Variants in SYCP2 observed in about 807,000 individuals in gnomAD.
SYCP2 encodes the protein synaptonemal complex protein 2.
In SYCP2, 55 loss-of-function variants were observed where a neutral mutation model predicts 211.3. The observed-to-expected ratio is 0.26, with a 90% CI of 0.21 to 0.33. SYCP2 has a LOEUF of 0.33. Ranked by LOEUF, SYCP2 falls within the 10% of genes least tolerant of loss-of-function variation. The pLI is 1.00. For missense variants in SYCP2, 1,731 were observed against 1,752.0 expected, an observed-to-expected ratio of 0.99 and a Z score of 0.21; for synonymous variants, 570 against 555.2, an observed-to-expected ratio of 1.03 and a Z score of -0.37.
In SYCP2 at chr20:59,870,003, A is replaced by G. The variant is rs1055798003; in HGVS notation, c.3556-20T>C. 1 of 1,503,884 alleles carries G rather than the reference A, an allele frequency of 6.6e-7. No individual in the cohort carries two copies. The highest frequency in any genetic ancestry group is 9.0e-7 in the Non-Finnish European group (1 of 1,114,278). 93.2% of individuals were successfully genotyped at this position (1,503,884 alleles called of 1,614,324 possible). ...TCTGGGCTATGAATGAAGACATACA[A>G]AAACCCAATAAGAAGTTACAAAATT... is the stretch of plus-strand genomic sequence containing the variant. On this transcript the variant is annotated intron_variant, in intron 35 of 44. Coordinates refer to ENST00000357552, the MANE Select transcript of SYCP2 (RefSeq NM_014258.4).
intron 5 of SYCP2, among the ~76,000 whole-genome samples, 180 bp from the exon 6 acceptor site, chr20:59,919,777 C>G (rs1359355385): frequency 6.6e-6 from 1 of 151,034 alleles, no homozygotes; most frequent in African/African-American, 2.4e-5. Context: ...ACTATCTTTT[C>G]CCATTGTTTA....
intron 26 of SYCP2, 61 bp downstream of exon 26, chr20:59,885,867 G>T: frequency 3.1e-6 from 4 of 1,286,970 alleles, no homozygotes; most frequent in Non-Finnish European, 4.4e-6. Flanking sequence ...CTATTTTAGT[G>T]TTTATGGTCA....
chr20:59,887,165 C>T (rs553806102), intron 24 of SYCP2, among the ~76,000 whole-genome samples: 15 of 151,954 alleles, frequency 9.9e-5, no homozygotes, highest in African/African-American at 2.4e-4. Context: ...CCCTACCCCA[C>T]GACAGGCCCC....
intron 2 of SYCP2, among the ~76,000 whole-genome samples, chr20:59,930,077 TC>T (rs2145915588): frequency 6.6e-6 from 1 of 152,262 alleles, no homozygotes; most frequent in East Asian, 1.9e-4. Flanking sequence ...CACAGGCATC[TC>T]TATTAGCTCA....
chr20:59,872,727 G>A (rs1045398914), intron 35 of SYCP2, among the ~76,000 whole-genome samples: 2 of 151,896 alleles, frequency 1.3e-5, no homozygotes, highest in Admixed American at 1.3e-4. Context: ...CTTCCTAAGA[G>A]ATACTACTAA....
chr20:59,881,616 C>T (rs959516433), intron 28 of SYCP2, 124 bp from the exon 29 acceptor site: 4 of 531,480 alleles, frequency 7.5e-6, no homozygotes, highest in Non-Finnish European at 9.7e-6. Flanking sequence ...ATTAACTTTA[C>T]TACAATATTT....
rs146046501 is a variant in SYCP2, at chr20:59,864,334, G to A, written c.4570C>T (p.His1524Tyr). 1 of 1,605,082 alleles carries A rather than the reference G, an allele frequency of 6.2e-7. No individual in the cohort carries two copies. Among genetic ancestry groups the A allele is most frequent in the African/African-American group, 1.3e-5 (1 of 74,436 alleles). ...RRELMSVFMSHERNANV is the reference protein window; with the variant it reads ...RRELMSVFMSYERNANV ...TTTCACACATTAGCATTTCTTTCAT[G>A]AGACATGAATACTGACATCAGTTCT... The change falls in exon 45 of 45, where the codon CAT becomes TAT. Residue 1524 changes from histidine to tyrosine, a missense_variant. His to Tyr is a moderately conservative substitution (Grantham distance 83, BLOSUM62 2). Transcript: ENST00000357552.
At chr20:59,899,283 T>A (rs1033686556) in intron 18 of SYCP2, among the ~76,000 whole-genome samples, 1 of 151,990 alleles carries the variant, frequency 6.6e-6, no homozygotes, top group Non-Finnish European at 1.5e-5. Context: ...CCAAAAAAAA[T>A]GAACAGTAGT....
In SYCP2 at chr20:59,868,465, C is replaced by G. The variant is rs746891072; in HGVS notation, c.3936G>C (p.Leu1312Phe). ...CAATTTTACACAGTTTTTTGGGAAG[C>G]AAGTTTGCTCTCCTTTCTCCTTTCT... Reference protein sequence around the residue: ...MEEKGERRANLLPKKLCKIED... With the variant: ...MEEKGERRANFLPKKLCKIED... The change falls in exon 38 of 45, where the codon TTG becomes TTC. Residue 1312 changes from leucine to phenylalanine, a missense_variant. Physicochemically the swap from Leu to Phe is conservative, Grantham distance 22. Coordinates refer to ENST00000357552, the MANE Select transcript of SYCP2 (RefSeq NM_014258.4). The G allele has an allele frequency of 6.2e-7, 1 of 1,611,348 alleles. No homozygotes were observed. Among genetic ancestry groups the G allele is most frequent in the South Asian group, 1.1e-5 (1 of 90,952 alleles).
chr20:59,865,869 A>C lies in SYCP2; in HGVS notation c.4321-4T>G. 1 of 1,307,920 alleles carries C rather than the reference A, an allele frequency of 7.6e-7. No homozygotes were observed. The highest frequency in any genetic ancestry group is 1.0e-6 in the Non-Finnish European group (1 of 974,648). 81.0% of individuals were successfully genotyped at this position (1,307,920 alleles called of 1,614,324 possible). ...GAAATATCTTTTCCCAAAAGTCCTAAATTAATTAATAAAATTTTATTTAGT... is the reference window on the plus strand; with the variant it reads ...GAAATATCTTTTCCCAAAAGTCCTACATTAATTAATAAAATTTTATTTAGT... On this transcript the variant is annotated splice_polypyrimidine_tract_variant and splice_region_variant and intron_variant, in intron 41 of 44. Transcript: ENST00000357552.
intron 16 of SYCP2, 21 bp downstream of exon 16, chr20:59,901,637 ATATT>A (rs753972833): frequency 2.3e-6 from 3 of 1,306,114 alleles, no homozygotes; most frequent in Non-Finnish European, 2.1e-6. Flanking sequence ...AAAATAGTAA[ATATT>A]TATTAAGTTT....
intron 33 of SYCP2, among the ~76,000 whole-genome samples, chr20:59,876,010 T>C (rs1019925768): frequency 5.9e-5 from 9 of 151,482 alleles, no homozygotes; most frequent in Admixed American, 1.3e-4. Context: ...GGGTCTTCCT[T>C]TGAAGAGGGA....
At position 59,892,548 on chromosome 20, in the gene SYCP2, T is replaced by C. The variant is rs771596689; in HGVS notation, c.1927+20A>G. 11 of 1,594,726 alleles carry C rather than the reference T, an allele frequency of 6.9e-6. No homozygotes were observed. Among genetic ancestry groups the C allele is most frequent in the Admixed American group, 1.8e-5 (1 of 55,760 alleles). On this transcript the variant is annotated intron_variant, in intron 23 of 44. Coordinates refer to ENST00000357552, the MANE Select transcript of SYCP2 (RefSeq NM_014258.4). Reference sequence around the variant, plus strand: ...GAAATTAACACTGAACTATTACATATAGATAAAACTAAGTTTCACCTTGAT... The same window carrying C: ...GAAATTAACACTGAACTATTACATACAGATAAAACTAAGTTTCACCTTGAT...
At chr20:59,874,776 C>T (rs184799062) in intron 34 of SYCP2, among the ~76,000 whole-genome samples, 82 of 152,068 alleles carry the variant, frequency 5.4e-4, no homozygotes, top group African/African-American at 1.9e-3. Flanking sequence ...TATACCAGAG[C>T]TCCAAAGAAT....
At position 59,901,673 on chromosome 20, in the gene SYCP2, T is replaced by C. The variant is rs2060118461; in HGVS notation, c.1171A>G (p.Thr391Ala). Residue 391 changes from threonine to alanine, a missense_variant, in exon 16 of 45, where the codon ACT (threonine) becomes GCT (alanine). This residue lies in a region of SYCP2 where 1,387 missense variants were observed against 1,351.3 expected (regional missense o/e 1.03). Coordinates refer to ENST00000357552, the MANE Select transcript of SYCP2 (RefSeq NM_014258.4). ...GTTTAAAGACTTACCCTATGTTTAG[T>C]TGCACCAAAAATTTTTTGAGTTACA... Reference protein sequence around the residue: ...TNVTQKIFGATKHRESIRKQG... With the variant: ...TNVTQKIFGAAKHRESIRKQG... 6.4e-7 allele frequency: 1 copy of C among 1,565,490 alleles called. No homozygotes were observed. Among genetic ancestry groups the C allele is most frequent in the Non-Finnish European group, 8.7e-7 (1 of 1,149,732 alleles).
At chr20:59,886,001 A>G (rs368827103) in intron 25 of SYCP2, 37 bp from the exon 26 acceptor site, 62 of 1,453,076 alleles carry the variant, frequency 4.3e-5, no homozygotes, top group African/African-American at 3.7e-4. Flanking sequence ...GAAAAAGCAA[A>G]TCAGTATCAA....
At chr20:59,921,542 T>G in intron 3 of SYCP2, 89 bp from the exon 4 acceptor site, 2 of 920,356 alleles carry the variant, frequency 2.2e-6, no homozygotes, top group Non-Finnish European at 3.0e-6. Flanking sequence ...CGTTTTCACA[T>G]GAAAACTCTC....
intron 15 of SYCP2, among the ~76,000 whole-genome samples, chr20:59,904,918 C>G (rs1439535511): frequency 1.3e-5 from 2 of 152,104 alleles, no homozygotes; most frequent in African/African-American, 2.4e-5. Flanking sequence ...ATATAAATAA[C>G]TAGCTTACCT....
chr20:59,879,275 T>TA (rs1275989303), intron 31 of SYCP2, among the ~76,000 whole-genome samples: 1 of 150,868 alleles, frequency 6.6e-6, no homozygotes, highest in Non-Finnish European at 1.5e-5. Context: ...CTGAATATAC[T>TA]ATGCTATTCC....
Sources: allele counts gnomAD v4.1 joint callset (sites outside exome capture counted in the v4.1 genomes callset), GRCh38; gene constraint gnomAD v4.1.1; regional missense constraint gnomAD v4.1.1; transcripts MANE v1.5; gene names NCBI Gene and HGNC (gene_info 2026-07-23, HGNC 2026-07-21).